Variants in DNAJC13 observed in about 807,000 individuals in gnomAD.
DNAJC13 encodes the protein dnaJ homolog subfamily C member 13.
A neutral mutation model predicts 290.5 loss-of-function variants in DNAJC13; 75 were observed. The observed-to-expected ratio is 0.26, with a 90% CI of 0.21 to 0.31. The LOEUF is 0.31. Ranked by LOEUF, DNAJC13 falls within the 10% of genes least tolerant of loss-of-function variation. The pLI is 1.00. For missense variants in DNAJC13, 2,260 were observed against 2,674.5 expected (o/e 0.85, Z 3.42); for synonymous variants, 862 against 892.0 (o/e 0.97, Z 0.60).
At chr3:132,449,043 C>G (rs1219715324) in intron 5 of DNAJC13, among the ~76,000 whole-genome samples, 1 of 152,118 alleles carries the variant, frequency 6.6e-6, no homozygotes, top group African/African-American at 2.4e-5. Context: ...TTTTCAAAAT[C>G]TTGTGGTAGA....
intron 2 of DNAJC13, 101 bp from the exon 3 acceptor site, chr3:132,446,374 A>G (rs1477487670): frequency 5.5e-6 from 4 of 730,618 alleles, no homozygotes; most frequent in Non-Finnish European, 8.9e-6. Flanking sequence ...ATCAACTAAC[A>G]CATTTCTATG....
intron 48 of DNAJC13, among the ~76,000 whole-genome samples, chr3:132,521,385 C>T (rs1936085877): frequency 6.6e-6 from 1 of 152,082 alleles, no homozygotes; most frequent in South Asian, 2.1e-4. Flanking sequence ...AAACAATAAG[C>T]AGTTGTATTA....
At chr3:132,532,180 TAAAC>T (rs1358601970) in intron 55 of DNAJC13, among the ~76,000 whole-genome samples, 1 of 152,192 alleles carries the variant, frequency 6.6e-6, no homozygotes, top group African/African-American at 2.4e-5. Flanking sequence ...CCAAAGATGA[TAAAC>T]TAAGAGAAAA....
chr3:132,466,487 CAAAG>C (rs1240014337), intron 19 of DNAJC13, 93 bp downstream of exon 19: 22 of 1,052,628 alleles, frequency 2.1e-5, no homozygotes, highest in Admixed American at 1.5e-4. Context: ...ATTTTAGAAA[CAAAG>C]AATTCATTGC....
intron 1 of DNAJC13, 144 bp from the exon 2 acceptor site, chr3:132,434,394 A>AAC (rs1939323586): frequency 2.0e-6 from 1 of 499,470 alleles, no homozygotes; most frequent in Non-Finnish European, 3.4e-6. Flanking sequence ...CAAAAAAAAA[A>AAC]AAAACAAAAC....
At chr3:132,418,797 G>A (rs1297849963) in intron 1 of DNAJC13, among the ~76,000 whole-genome samples, 7 of 152,108 alleles carry the variant, frequency 4.6e-5, no homozygotes, top group Non-Finnish European at 5.9e-5. Context: ...TCAGTTTATG[G>A]ACTTGATAGG....
chr3:132,533,087 GCT>G (rs1936471835), intron 55 of DNAJC13, among the ~76,000 whole-genome samples: 1 of 139,140 alleles, frequency 7.2e-6, no homozygotes. Context: ...ACGGAGTCTG[GCT>G]CTGTCACCCA....
At chr3:132,470,864 G>T (rs1266326554) in intron 20 of DNAJC13, among the ~76,000 whole-genome samples, 1 of 132,476 alleles carries the variant, frequency 7.5e-6, no homozygotes, top group African/African-American at 2.9e-5. Context: ...CCTCCCTCCC[G>T]GACAGGGCGG....
Position 132,499,821 on chromosome 3 carries a change from C to T in DNAJC13, c.4416+13C>T, listed in dbSNP as rs757445724. 4 of 1,611,090 alleles carry T rather than the reference C, an allele frequency of 2.5e-6. No individual in the cohort carries two copies. Among genetic ancestry groups the T allele is most frequent in the Middle Eastern group, 3.3e-4 (2 of 6,052 alleles). ...CATGTCAGTACAGGTGAGGCTAAAA[C>T]CTGTGGTTCCAAGAAAATTGCACTA... On this transcript the variant is annotated intron_variant, in intron 38 of 55. Transcript: ENST00000260818.
Position 132,457,537 on chromosome 3 carries a change from T to G in DNAJC13, c.1449+169T>G, listed in dbSNP as rs960275128. On this transcript the variant is annotated intron_variant, in intron 13 of 55. Coordinates refer to ENST00000260818, the MANE Select transcript of DNAJC13 (RefSeq NM_015268.4). Reference sequence around the variant, plus strand: ...AGCATATCCTAAATACCAGGCAATGTGCTGTGTGCCAGAAATTCAAAGATC... The same window carrying G: ...AGCATATCCTAAATACCAGGCAATGGGCTGTGTGCCAGAAATTCAAAGATC... 6 of 571,048 alleles carry G rather than the reference T, an allele frequency of 1.1e-5. No homozygotes were observed. The Admixed American group carries it at 1.7e-4, about 16-fold the overall frequency. 35.4% of individuals were successfully genotyped at this position (571,048 alleles called of 1,614,324 possible). A position where few individuals can be genotyped will look rare whatever the true frequency, so the allele number is the denominator to read the frequency against.
intron 20 of DNAJC13, among the ~76,000 whole-genome samples, chr3:132,468,802 T>C (rs1039019221): frequency 5.9e-5 from 9 of 152,206 alleles, no homozygotes; most frequent in Admixed American, 3.9e-4. Flanking sequence ...TTCACAGTTA[T>C]TAAAAATTAC....
At chr3:132,481,409 A>G (rs913781379) in intron 26 of DNAJC13, among the ~76,000 whole-genome samples, 1 of 152,114 alleles carries the variant, frequency 6.6e-6, no homozygotes, top group South Asian at 2.1e-4. Flanking sequence ...GCAAATTGGC[A>G]AAACCTGTCT....
At chr3:132,531,172 C>G in intron 55 of DNAJC13, 75 bp downstream of exon 55, 1 of 1,289,214 alleles carries the variant, frequency 7.8e-7, no homozygotes, top group East Asian at 2.3e-5. Flanking sequence ...CCTAAATAGA[C>G]TTAAAATTGT....
intron 54 of DNAJC13, among the ~76,000 whole-genome samples, 185 bp from the exon 55 acceptor site, chr3:132,530,813 C>T (rs1936392688): frequency 1.3e-5 from 2 of 152,194 alleles, no homozygotes; most frequent in Admixed American, 6.5e-5. Flanking sequence ...TTTGGGTCTG[C>T]CTTAATGAGA....
chr3:132,468,826 C>G (rs978621318), intron 20 of DNAJC13, among the ~76,000 whole-genome samples: 1 of 152,152 alleles, frequency 6.6e-6, no homozygotes, highest in Non-Finnish European at 1.5e-5. Flanking sequence ...CTCCTGGCTT[C>G]AGGTAGTTAA....
At chr3:132,533,601 G>T (rs973254635) in intron 55 of DNAJC13, among the ~76,000 whole-genome samples, 2 of 151,868 alleles carry the variant, frequency 1.3e-5, no homozygotes, top group African/African-American at 2.4e-5. Context: ...TGATCCACCC[G>T]CCTGGTACTC....
Position 132,490,925 on chromosome 3 carries a change from G to A in DNAJC13, c.3497G>A (p.Ser1166Asn). ...ETKGQDIFQR[S>N]ILGHILPEAM... ...AAAGGACAAGATATTTTTCAGAGAAGTATACTTGGGCACATTCTACCTGAA... is the reference window on the plus strand; with the variant it reads ...AAAGGACAAGATATTTTTCAGAGAAATATACTTGGGCACATTCTACCTGAA... Residue 1166 changes from serine to asparagine, a missense_variant, in exon 32 of 56, where the codon AGT (serine) becomes AAT (asparagine). By Grantham distance (46) the Ser-to-Asn change is conservative. Around this residue, in one of 3 missense-constraint regions of DNAJC13, gnomAD observed 1,494 missense variants for 1,693.7 expected, o/e 0.88. Coordinates refer to ENST00000260818, the MANE Select transcript of DNAJC13 (RefSeq NM_015268.4). 6.2e-7 allele frequency: 1 copy of A among 1,605,618 alleles called. No homozygotes were observed. The highest frequency in any genetic ancestry group is 8.5e-7 in the Non-Finnish European group (1 of 1,177,084).
Position 132,488,380 on chromosome 3 carries a change from C to A in DNAJC13, c.3350C>A (p.Pro1117His). 6.2e-7 allele frequency: 1 copy of A among 1,613,530 alleles called. No homozygotes were observed. The highest frequency in any genetic ancestry group is 8.5e-7 in the Non-Finnish European group (1 of 1,179,754). Residue 1117 changes from proline (P) to histidine (H), a missense_variant, in exon 30 of 56, where the codon CCC becomes CAC. Coordinates refer to ENST00000260818, the MANE Select transcript of DNAJC13 (RefSeq NM_015268.4). ...YHIMQDNPQLPRLYLSGVFFF... is the reference protein window; with the variant it reads ...YHIMQDNPQLHRLYLSGVFFF... ...ATCATGCAAGATAACCCACAGTTAC[C>A]CCGCCTTTATCTGAGTGGAGTATTT...
chr3:132,499,780 C>A lies in DNAJC13; in HGVS notation c.4388C>A (p.Ala1463Asp). The change falls in exon 38 of 56, where the codon GCT becomes GAT. Residue 1463 changes from alanine (A) to aspartate (D), a missense_variant. Physicochemically the swap from Ala to Asp is moderately radical, Grantham distance 126 (BLOSUM62 -2). Coordinates refer to ENST00000260818, the MANE Select transcript of DNAJC13 (RefSeq NM_015268.4). ...FSRCVAVLTR[A>D]SKPSDMSVQV... is the part of the protein sequence containing the mutation. ...CGCTGTGTGGCTGTCTTGACTCGTG[C>A]TAGTAAACCAAGTGACATGTCAGTA... 1.9e-6 allele frequency: 3 copies of A among 1,614,082 alleles called. No individual in the cohort carries two copies. Among genetic ancestry groups the A allele is most frequent in the Non-Finnish European group, 2.5e-6 (3 of 1,179,978 alleles).
Sources: gnomAD v4.1 joint callset for allele counts (sites outside exome capture counted in the v4.1 genomes callset) on GRCh38, gnomAD v4.1.1 for gene constraint, gnomAD v4.1.1 regional missense constraint, MANE v1.5 for transcripts, NCBI Gene and HGNC (gene_info 2026-07-23, HGNC 2026-07-21) for gene names.